The following FGF12 variants were observed in gnomAD, a reference collection of about 807,000 sequenced individuals.
The protein encoded by FGF12 is fibroblast growth factor 12B.
Under a neutral mutation model 23.6 loss-of-function variants are expected in FGF12, and 14 were observed. The observed-to-expected ratio is 0.59, with a 90% CI of 0.39 to 0.93. The LOEUF is 0.93. Among genes scored for constraint, FGF12 ranks in the 40% least tolerant of loss-of-function variants. The pLI is 0.00. For missense variants in FGF12, 175 were observed against 217.8 expected (o/e 0.80, Z 1.24); for synonymous variants, 62 against 77.3 (o/e 0.80, Z 1.04).
intron 4 of FGF12, among the ~76,000 whole-genome samples, chr3:192,278,674 G>A (rs1713951360): frequency 6.6e-6 from 1 of 152,164 alleles, no homozygotes; most frequent in Non-Finnish European, 1.5e-5. Context: ...GCCTACATAT[G>A]GTAGAAAGTG....
intron 4 of FGF12, among the ~76,000 whole-genome samples, chr3:192,265,879 G>A (rs1025436633): frequency 6.6e-6 from 1 of 152,124 alleles, no homozygotes; most frequent in South Asian, 2.1e-4. Context: ...AAATATGGCA[G>A]TGACTCTGTT....
chr3:192,181,968 A>G (rs994130831), intron 4 of FGF12, among the ~76,000 whole-genome samples: 19 of 152,160 alleles, frequency 1.2e-4, no homozygotes, highest in Non-Finnish European at 2.2e-4. Flanking sequence ...ACATATCTCA[A>G]TGAAAAAAAA....
chr3:192,677,526 C>T (rs568626826), intron 2 of FGF12, among the ~76,000 whole-genome samples: 4 of 152,278 alleles, frequency 2.6e-5, no homozygotes, highest in South Asian at 2.1e-4. Flanking sequence ...AATCATTTTA[C>T]TAGCTAGTTC....
chr3:192,207,106 G>A lies in FGF12; in HGVS notation c.229-36450C>T, dbSNP rs549751869. Among the ~76,000 whole-genome samples, 3 of 152,296 alleles carry A rather than the reference G, an allele frequency of 2.0e-5. No individual in the cohort carries two copies. The East Asian group carries it at 5.8e-4, about 29-fold the overall frequency. On this transcript the variant is annotated intron_variant, in intron 4 of 5. Coordinates refer to ENST00000445105, the MANE Select transcript of FGF12 (RefSeq NM_004113.6). ...ATCAAAGCTATAGGCTTTATTGGCAGTCTAGTCCTGAGAAAGCCCCTTAGC... is the reference window on the plus strand; with the variant it reads ...ATCAAAGCTATAGGCTTTATTGGCAATCTAGTCCTGAGAAAGCCCCTTAGC...
intron 2 of FGF12, among the ~76,000 whole-genome samples, chr3:192,642,015 T>C (rs1433383591): frequency 6.6e-6 from 1 of 152,232 alleles, no homozygotes; most frequent in Non-Finnish European, 1.5e-5. Context: ...ACAGCGTATC[T>C]TTTGTTTATA....
intron 2 of FGF12, among the ~76,000 whole-genome samples, chr3:192,427,418 GTTGT>G (rs1721723489): frequency 6.6e-6 from 1 of 151,380 alleles, no homozygotes; most frequent in African/African-American, 2.4e-5. Flanking sequence ...AAGAGTGTAA[GTTGT>G]TTAACACTTT....
intron 2 of FGF12, among the ~76,000 whole-genome samples, chr3:192,580,895 G>A (rs527852408): frequency 5.3e-5 from 8 of 152,202 alleles, no homozygotes; most frequent in South Asian, 2.1e-4. Context: ...CACCACTTCC[G>A]GCCTCAATAA....
At chr3:192,309,651 T>C (rs1367612466) in intron 4 of FGF12, among the ~76,000 whole-genome samples, 1 of 152,174 alleles carries the variant, frequency 6.6e-6, no homozygotes, top group African/African-American at 2.4e-5. Flanking sequence ...GGAGGTATAC[T>C]GGGTCTTAAA....
intron 2 of FGF12, among the ~76,000 whole-genome samples, chr3:192,554,624 T>G (rs1171464939): frequency 6.6e-6 from 1 of 151,994 alleles, no homozygotes; most frequent in African/African-American, 2.4e-5. Flanking sequence ...TTTTTTCAAA[T>G]GAAGAGATCC....
intron 2 of FGF12, among the ~76,000 whole-genome samples, chr3:192,393,152 GGTGACTCATCCAACAAATATATTTTAT>G (rs1159426620): frequency 6.6e-6 from 1 of 152,162 alleles, no homozygotes; most frequent in East Asian, 1.9e-4. Flanking sequence ...TCATTGGTAA[GGTGACTCATCCAACAAATATATTTTAT>G]GTGACATCTA....
chr3:192,438,234 T>C (rs1722087910), intron 2 of FGF12, among the ~76,000 whole-genome samples: 1 of 152,234 alleles, frequency 6.6e-6, no homozygotes. Flanking sequence ...TATTCCCACC[T>C]TTGGTTCTTC....
chr3:192,266,683 A>C (rs544547749), intron 4 of FGF12, among the ~76,000 whole-genome samples: 2 of 152,058 alleles, frequency 1.3e-5, no homozygotes, highest in Admixed American at 6.6e-5. Flanking sequence ...GGAACTTTTA[A>C]TACTTTCCAT....
At chr3:192,566,046 A>G (rs1305543391) in intron 2 of FGF12, among the ~76,000 whole-genome samples, 1 of 152,240 alleles carries the variant, frequency 6.6e-6, no homozygotes, top group Non-Finnish European at 1.5e-5. Context: ...AGATTGCGCC[A>G]TTGCACTCCA....
rs746233904 is a variant in FGF12, at chr3:192,146,272, A to ATATTTT, written c.428-2146_428-2145insAAAATA. Among the ~76,000 whole-genome samples, 987 of 143,246 alleles carry ATATTTT rather than the reference A, an allele frequency of 6.9e-3. 13 individuals carry two copies. Among genetic ancestry groups the ATATTTT allele is most frequent in the Middle Eastern group, 0.027 (7 of 262 alleles). 94.0% of individuals were successfully genotyped at this position (143,246 alleles called of 152,430 possible). ...TTTTCTAATTTTCATTAAAGTGTAT[A>ATATTTT]TTTTTTTTTTTTTTTTGAGACGGAG... On this transcript the variant is annotated intron_variant, in intron 5 of 5. Coordinates refer to ENST00000445105, the MANE Select transcript of FGF12 (RefSeq NM_004113.6).
At chr3:192,424,184 C>T (rs768990306) in intron 2 of FGF12, among the ~76,000 whole-genome samples, 1 of 152,116 alleles carries the variant, frequency 6.6e-6, no homozygotes, top group Non-Finnish European at 1.5e-5. Context: ...TCCTGTTCAT[C>T]TGACATCTAT....
At position 192,140,975 on chromosome 3, in the gene FGF12, C is replaced by G. The variant is rs1405606140; in HGVS notation, c.*3034G>C. The G allele has an allele frequency of 5.9e-5, 9 of 151,516 alleles. No homozygotes were observed. The highest frequency in any genetic ancestry group is 5.9e-4 in the Admixed American group (9 of 15,214). The allele number at this position is 151,516 out of a possible 1,614,324, so 9.4% of individuals were successfully genotyped here. A position where few individuals can be genotyped will look rare whatever the true frequency, so the allele number is the denominator to read the frequency against. ...CCAGAAAGCTATTTTGTGAGACTCT[C>G]AAAAGTTTTGTTTTCATTCTTAAGC... On this transcript the variant is annotated 3_prime_UTR_variant, in exon 6 of 6. Transcript: ENST00000445105.
At chr3:192,488,558 T>C (rs1301925958) in intron 2 of FGF12, among the ~76,000 whole-genome samples, 1 of 152,036 alleles carries the variant, frequency 6.6e-6, no homozygotes, top group Non-Finnish European at 1.5e-5. Flanking sequence ...TCTCTTTCCT[T>C]CCATTCAATA....
chr3:192,540,824 G>A (rs1560144436), intron 2 of FGF12, among the ~76,000 whole-genome samples: 3 of 151,984 alleles, frequency 2.0e-5, no homozygotes, highest in South Asian at 4.2e-4. Context: ...CTCCAGTATT[G>A]GGTACATATA....
chr3:192,196,261 G>A (rs370021318), intron 4 of FGF12, among the ~76,000 whole-genome samples: 5 of 150,118 alleles, frequency 3.3e-5, no homozygotes, highest in East Asian at 2.1e-4. Flanking sequence ...CTCAATGGAC[G>A]GATGAAAAAA....
Sources: allele counts gnomAD v4.1 joint callset (sites outside exome capture counted in the v4.1 genomes callset), GRCh38; gene constraint gnomAD v4.1.1; transcripts MANE v1.5; gene names NCBI Gene and HGNC (gene_info 2026-07-23, HGNC 2026-07-21).